Variants in LMBRD1 observed in about 807,000 individuals in gnomAD.
LMBRD1 encodes the protein LMBR1 domain containing 1, also known as lysosomal cobalamin transport escort protein LMBD1.
LMBRD1 carries 64 observed loss-of-function variants against 74.8 expected under a neutral mutation model. The observed-to-expected ratio is 0.86, with a 90% CI of 0.70 to 1.05. The LOEUF (loss-of-function observed/expected upper bound fraction) is 1.05. Among genes scored for constraint, LMBRD1 ranks in the 50% least tolerant of loss-of-function variants. The pLI, the probability that LMBRD1 is intolerant of heterozygous loss-of-function variation, is 0.00. For synonymous variants in LMBRD1, 204 were observed against 216.3 expected, an observed-to-expected ratio of 0.94 and a Z score of 0.50; for missense variants, 652 against 645.9, an observed-to-expected ratio of 1.01 and a Z score of -0.10.
At chr6:69,686,028 A>G (rs1331551088) in intron 14 of LMBRD1, among the ~76,000 whole-genome samples, 1 of 152,080 alleles carries the variant, frequency 6.6e-6, no homozygotes, top group African/African-American at 2.4e-5. Flanking sequence ...AAACAAAAAA[A>G]CTCTGCAGCT....
chr6:69,774,708 T>C (rs1016954806), intron 3 of LMBRD1, among the ~76,000 whole-genome samples: 8 of 151,986 alleles, frequency 5.3e-5, no homozygotes, highest in Non-Finnish European at 1.0e-4. Flanking sequence ...TAAACAGAAC[T>C]CAGAAGTCAC....
At chr6:69,761,303 G>A (rs1422185050) in intron 3 of LMBRD1, among the ~76,000 whole-genome samples, 1 of 151,934 alleles carries the variant, frequency 6.6e-6, no homozygotes, top group Non-Finnish European at 1.5e-5. Flanking sequence ...GGTTTACACT[G>A]CAATGCCATT....
chr6:69,779,081 G>A lies in LMBRD1; in HGVS notation c.307+1413C>T, dbSNP rs917552536. 2.4e-4 allele frequency among the ~76,000 whole-genome samples: 37 copies of A among 151,514 alleles called. 1 individual carries two copies. Among genetic ancestry groups the A allele is most frequent in the Admixed American group, 2.2e-3 (33 of 15,236 alleles). ...TGTGCCTGTAATCCCAGCTACTCGG[G>A]AGGCTGAGGCAGGAGAATCGCTTGA... On this transcript the variant is annotated intron_variant, in intron 3 of 15. Transcript: ENST00000649934.
intron 7 of LMBRD1, among the ~76,000 whole-genome samples, chr6:69,722,560 C>A (rs555678692): frequency 1.3e-5 from 2 of 151,844 alleles, no homozygotes; most frequent in African/African-American, 4.8e-5. Context: ...TAAAATGTCA[C>A]GCTTCTATTT....
rs1203541051 is a variant in LMBRD1 at position 69,699,068 on chromosome 6, T to G, written c.1313A>C (p.Tyr438Ser). 6.2e-7 allele frequency: 1 copy of G among 1,603,966 alleles called. No individual in the cohort carries two copies. Among genetic ancestry groups the G allele is most frequent in the African/African-American group, 1.3e-5 (1 of 74,752 alleles). Residue 438 changes from tyrosine (Y) to serine (S), a missense_variant, in exon 13 of 16, where the codon TAT becomes TCT. Tyr to Ser is a moderately radical substitution (Grantham distance 144). Transcript: ENST00000649934. ...IYSLAPQYVMYGSQNYLIETN... is the reference protein window; with the variant it reads ...IYSLAPQYVMSGSQNYLIETN... ...CTCTATTAAGTAATTTTGGCTTCCA[T>G]ACATAACATATTGGGGAGCAAGACT...
At chr6:69,739,161 G>A (rs937142239) in intron 6 of LMBRD1, among the ~76,000 whole-genome samples, 1 of 152,084 alleles carries the variant, frequency 6.6e-6, no homozygotes, top group Non-Finnish European at 1.5e-5. Context: ...CTTGTAAAAT[G>A]TATCTCCAAA....
chr6:69,738,804 C>A (rs570892519), intron 6 of LMBRD1, among the ~76,000 whole-genome samples: 2 of 151,896 alleles, frequency 1.3e-5, no homozygotes, highest in African/African-American at 4.8e-5. Flanking sequence ...TCCTATTAGG[C>A]CTGTATTGAG....
rs915118362 is a variant in LMBRD1 at position 69,674,594 on chromosome 6, T to G, written c.*1564A>C. Among the ~76,000 whole-genome samples, 1 of 152,210 alleles carries G rather than the reference T, an allele frequency of 6.6e-6. No individual in the cohort carries two copies. The highest frequency in any genetic ancestry group is 2.4e-5 in the African/African-American group (1 of 41,468). On this transcript the variant is annotated 3_prime_UTR_variant, in exon 16 of 16. Coordinates refer to ENST00000649934, the MANE Select transcript of LMBRD1 (RefSeq NM_018368.4). The stretch of plus-strand genomic sequence containing the variant: ...AAATGTTACAGTTGAAGCAGTAATT[T>G]CTAGCTAAAAGATAACTCAAAGTTC...
At chr6:69,733,132 T>C (rs1354060699) in intron 7 of LMBRD1, among the ~76,000 whole-genome samples, 1 of 151,978 alleles carries the variant, frequency 6.6e-6, no homozygotes, top group Non-Finnish European at 1.5e-5. Context: ...TAAAAAAATT[T>C]CTCTAGCCTC....
At chr6:69,794,636 C>T (rs1766170831) in intron 1 of LMBRD1, among the ~76,000 whole-genome samples, 1 of 152,168 alleles carries the variant, frequency 6.6e-6, no homozygotes, top group Non-Finnish European at 1.5e-5. Flanking sequence ...ATGAGTCAAA[C>T]TTTCAAATGA....
chr6:69,708,652 C>CAA (rs3070239), intron 9 of LMBRD1, among the ~76,000 whole-genome samples: 68,394 of 146,740 alleles, frequency 0.47, 15,760 homozygotes, highest in East Asian at 0.58. Flanking sequence ...TTCATGGGAA[C>CAA]AAAAAAAAAA....
At chr6:69,751,661 G>A (rs1765156548) in intron 4 of LMBRD1, among the ~76,000 whole-genome samples, 2 of 152,178 alleles carry the variant, frequency 1.3e-5, no homozygotes, top group African/African-American at 2.4e-5. Flanking sequence ...GGATTAGTAA[G>A]AACAACCTAC....
chr6:69,698,974 T>G, intron 13 of LMBRD1, 69 bp downstream of exon 13: 1 of 1,088,242 alleles, frequency 9.2e-7, no homozygotes, highest in African/African-American at 1.6e-5. Flanking sequence ...CCATCACAAT[T>G]AAAATTTCAT....
Position 69,741,864 on chromosome 6 carries a change from A to G in LMBRD1, c.487T>C (p.Leu163=). ...GAATTTTTGTTATTGGGAACATTCA[A>G]TGGAACAAAGGCACTACAAAAGAGA... ...LLLLVGAFVP[L]NVPNNKNSTE... is the part of the protein sequence containing the mutation. The change falls in exon 6 of 16, where the codon TTG becomes CTG. Residue 163 remains leucine, a synonymous_variant. Coordinates refer to ENST00000649934, the MANE Select transcript of LMBRD1 (RefSeq NM_018368.4). 1 of 1,593,948 alleles carries G rather than the reference A, an allele frequency of 6.3e-7. No individual in the cohort carries two copies. Among genetic ancestry groups the G allele is most frequent in the Non-Finnish European group, 8.6e-7 (1 of 1,161,886 alleles).
chr6:69,750,187 C>T (rs962767297), intron 4 of LMBRD1, among the ~76,000 whole-genome samples: 4 of 150,054 alleles, frequency 2.7e-5, no homozygotes, highest in Non-Finnish European at 4.4e-5. Flanking sequence ...ACATATATAA[C>T]ATATATCATG....
At chr6:69,706,505 A>G (rs1352098655) in intron 9 of LMBRD1, among the ~76,000 whole-genome samples, 1 of 152,196 alleles carries the variant, frequency 6.6e-6, no homozygotes, top group African/African-American at 2.4e-5. Flanking sequence ...TTTCTTCAGG[A>G]TACAATTAAT....
chr6:69,749,750 C>T (rs1210778212), intron 4 of LMBRD1, among the ~76,000 whole-genome samples: 1 of 151,118 alleles, frequency 6.6e-6, no homozygotes, highest in Non-Finnish European at 1.5e-5. Context: ...AATGCCCCAA[C>T]CCAATTCATC....
At chr6:69,697,950 G>A (rs1341922550) in intron 13 of LMBRD1, among the ~76,000 whole-genome samples, 1 of 152,014 alleles carries the variant, frequency 6.6e-6, no homozygotes, top group East Asian at 1.9e-4. Context: ...TGTGGAACAT[G>A]CAAAGAATAT....
intron 7 of LMBRD1, among the ~76,000 whole-genome samples, chr6:69,731,972 T>C (rs1038578033): frequency 6.6e-6 from 1 of 152,110 alleles, no homozygotes; most frequent in African/African-American, 2.4e-5. Context: ...TCACTAAATA[T>C]AAAACAAAGA....
Sources: allele counts gnomAD v4.1 joint callset (sites outside exome capture counted in the v4.1 genomes callset), GRCh38; gene constraint gnomAD v4.1.1; transcripts MANE v1.5; gene names NCBI Gene and HGNC (gene_info 2026-07-23, HGNC 2026-07-21).